MGAM2: variants seen among roughly 807,000 people sequenced by gnomAD.
MGAM2 encodes the protein probable maltase-glucoamylase 2.
Under a neutral mutation model 96.1 loss-of-function variants are expected in MGAM2, and 98 were observed. That is an observed-to-expected ratio of 1.02 (90% CI 0.87 to 1.21). The LOEUF is 1.21. Among genes scored for constraint, MGAM2 ranks in the 50% most tolerant of loss-of-function variants. The pLI is 0.00. For synonymous variants in MGAM2, 749 were observed against 414.8 expected (o/e 1.81, Z -9.79); for missense variants, 2,055 against 1,182.4 (o/e 1.74, Z -10.82).
At chr7:142,157,056 T>G (rs1430165845) in intron 17 of MGAM2, among the ~76,000 whole-genome samples, 2 of 152,138 alleles carry the variant, frequency 1.3e-5, no homozygotes, top group Non-Finnish European at 2.9e-5. Context: ...TCACTAATCT[T>G]TGGGATAGGG....
chr7:142,137,823 A>T (rs1490895946), intron 9 of MGAM2, among the ~76,000 whole-genome samples: 1 of 152,252 alleles, frequency 6.6e-6, no homozygotes, highest in Non-Finnish European at 1.5e-5. Flanking sequence ...CCCACAAATC[A>T]GCAAAGCTTA....
intron 3 of MGAM2, among the ~76,000 whole-genome samples, chr7:142,122,869 C>T (rs556920993): frequency 5.5e-4 from 83 of 152,122 alleles, no homozygotes; most frequent in African/African-American, 1.4e-3. Flanking sequence ...CTCGTTCTGT[C>T]GCCAGACTGG....
chr7:142,205,173 A>G (rs966553918), intron 45 of MGAM2, among the ~76,000 whole-genome samples: 4 of 152,130 alleles, frequency 2.6e-5, no homozygotes, highest in Non-Finnish European at 4.4e-5. Context: ...TTGTCAGATC[A>G]TGACAAGTGC....
At chr7:142,158,936 C>A (rs1336466316) in intron 19 of MGAM2, among the ~76,000 whole-genome samples, 1 of 152,160 alleles carries the variant, frequency 6.6e-6, no homozygotes, top group Non-Finnish European at 1.5e-5. Context: ...GCCACACTAT[C>A]TGATGACAGG....
At chr7:142,163,238 C>T (rs529051469) in intron 23 of MGAM2, among the ~76,000 whole-genome samples, 4 of 152,266 alleles carry the variant, frequency 2.6e-5, no homozygotes, top group African/African-American at 9.6e-5. Context: ...AAAATTGCTA[C>T]TAACACTCAT....
intron 1 of MGAM2, among the ~76,000 whole-genome samples, chr7:142,115,539 T>TA (rs1194703854): frequency 6.6e-6 from 1 of 152,152 alleles, no homozygotes; most frequent in Non-Finnish European, 1.5e-5. Context: ...TGTGATAAGA[T>TA]ACTTTTTTAA....
chr7:142,162,840 A>G (rs1414704271), intron 23 of MGAM2, among the ~76,000 whole-genome samples: 1 of 151,510 alleles, frequency 6.6e-6, no homozygotes, highest in African/African-American at 2.4e-5. Context: ...CTATAGCACA[A>G]TTTCACAAGC....
At position 142,174,715 on chromosome 7, in the gene MGAM2, C is replaced by CTCTTTTTTT. The variant is rs1194981898; in HGVS notation, c.3688-936_3688-935insCTTTTTTTT. Among the ~76,000 whole-genome samples the CTCTTTTTTT allele has an allele frequency of 4.4e-4, 38 of 85,458 alleles. 3 individuals carry two copies. The highest frequency in any genetic ancestry group is 2.0e-3 in the African/African-American group (35 of 17,554). 56.1% of individuals were successfully genotyped at this position (85,458 alleles called of 152,430 possible). A position where few individuals can be genotyped will look rare whatever the true frequency, so the allele number is the denominator to read the frequency against. ...ATGCCCTTTATTTCTCTCTCTCTCT[C>CTCTTTTTTT]TTTTTTTTTTTTTTTTTTGAGTTGG... is the stretch of plus-strand genomic sequence containing the variant. On this transcript the variant is annotated intron_variant, in intron 31 of 47. Coordinates refer to ENST00000477922, the MANE Select transcript of MGAM2 (RefSeq NM_001293626.2).
chr7:142,152,694 A>G (rs1018058179), intron 15 of MGAM2, among the ~76,000 whole-genome samples: 1 of 152,208 alleles, frequency 6.6e-6, no homozygotes, highest in Admixed American at 6.5e-5. Context: ...AGCGGGAAAG[A>G]AGAGCTTGCC....
intron 3 of MGAM2, among the ~76,000 whole-genome samples, chr7:142,121,921 A>G (rs1794585807): frequency 2.0e-5 from 3 of 152,242 alleles, no homozygotes; most frequent in East Asian, 3.9e-4. Context: ...GATGGTTGGC[A>G]ACCCTTATTT....
At position 142,187,810 on chromosome 7, in the gene MGAM2, C is replaced by A. The variant is rs759967036; in HGVS notation, c.4183C>A (p.Leu1395Ile). 24 of 702,540 alleles carry A rather than the reference C, an allele frequency of 3.4e-5. No individual in the cohort carries two copies. The highest frequency in any genetic ancestry group is 6.0e-5 in the Non-Finnish European group (23 of 384,796). 43.5% of individuals were successfully genotyped at this position (702,540 alleles called of 1,614,324 possible). ...TGTCAGGGGCTGCAGCAATGAAATG[C>A]TAAATAACCCACCCTATATGCCATG... ...GSVRGCSNEMLNNPPYMPYLE... is the reference protein window; with the variant it reads ...GSVRGCSNEMINNPPYMPYLE... The change falls in exon 36 of 48, where the codon CTA (leucine) becomes ATA (isoleucine). Residue 1395 changes from leucine to isoleucine, a missense_variant. Physicochemically the swap from Leu to Ile is conservative, Grantham distance 5. Coordinates refer to ENST00000477922, the MANE Select transcript of MGAM2 (RefSeq NM_001293626.2).
At chr7:142,115,027 C>T (rs536914391) in intron 1 of MGAM2, among the ~76,000 whole-genome samples, 21 of 152,066 alleles carry the variant, frequency 1.4e-4, no homozygotes, top group African/African-American at 2.7e-4. Context: ...ACTAGCCTGG[C>T]CAACGTGGTG....
At chr7:142,182,156 C>T (rs899916384) in intron 32 of MGAM2, among the ~76,000 whole-genome samples, 2 of 152,178 alleles carry the variant, frequency 1.3e-5, no homozygotes, top group African/African-American at 4.8e-5. Context: ...GCCTCAGCCG[C>T]AGATCTCAGC....
At position 142,170,090 on chromosome 7, in the gene MGAM2, A is replaced by G. The variant is rs1796144676; in HGVS notation, c.3043A>G (p.Asn1015Asp). The G allele has an allele frequency of 1.4e-6, 1 of 701,888 alleles. No homozygotes were observed. Among genetic ancestry groups the G allele is most frequent in the East Asian group, 2.7e-5 (1 of 37,284 alleles). The allele number at this position is 701,888 out of a possible 1,614,324, so 43.5% of individuals were successfully genotyped here. ...TTCTTGCCAGATCTATGACCCCACT[A>G]ATAAAAGGTATGAGGTTCCAGTACC... ...MLQVKIYDPTNKRYEVPVPLN... is the reference protein window; with the variant it reads ...MLQVKIYDPTDKRYEVPVPLN... The change falls in exon 27 of 48, where the codon AAT (asparagine) becomes GAT (aspartate). Residue 1015 changes from asparagine (N) to aspartate (D), a missense_variant. Physicochemically the swap from Asn to Asp is conservative, Grantham distance 23. Coordinates refer to ENST00000477922, the MANE Select transcript of MGAM2 (RefSeq NM_001293626.2).
rs777073088 is a variant in MGAM2 at position 142,171,426 on chromosome 7, G to C, written c.3337G>C (p.Asp1113His). 1 of 702,882 alleles carries C rather than the reference G, an allele frequency of 1.4e-6. No homozygotes were observed. The highest frequency in any genetic ancestry group is 2.6e-6 in the Non-Finnish European group (1 of 384,886). The allele number at this position is 702,882 out of a possible 1,614,324, so 43.5% of individuals were successfully genotyped here. A position where few individuals can be genotyped will look rare whatever the true frequency, so the allele number is the denominator to read the frequency against. The change falls in exon 28 of 48, where the codon GAT becomes CAT. Residue 1113 changes from aspartate (D) to histidine (H), a missense_variant. Coordinates refer to ENST00000477922, the MANE Select transcript of MGAM2 (RefSeq NM_001293626.2). ...GAACACATGGGGAATGTTTGCTCAT[G>C]ATGAGCCACCTGCGGTAGGGACAAA... is the stretch of plus-strand genomic sequence containing the variant. ...NWNTWGMFAH[D>H]EPPAYKKNSY... is the part of the protein sequence containing the mutation.
intron 15 of MGAM2, 149 bp downstream of exon 15, chr7:142,147,722 G>A (rs1795431066): frequency 7.4e-6 from 4 of 542,764 alleles, no homozygotes; most frequent in South Asian, 2.6e-5. Context: ...GTATTTAAGA[G>A]TTCCTCTCAT....
chr7:142,206,412 C>T lies in MGAM2; in HGVS notation c.5138-2161C>T, dbSNP rs930466590. Among the ~76,000 whole-genome samples the T allele has an allele frequency of 1.6e-4, 24 of 152,096 alleles. 1 individual carries two copies. The highest frequency in any genetic ancestry group is 2.9e-5 in the Non-Finnish European group (2 of 67,988). The stretch of plus-strand genomic sequence containing the variant: ...AAAAGCAAAGTTATCTTCAAGATAA[C>T]TACATGATCTCTAAATATTGTAAAA... On this transcript the variant is annotated intron_variant, in intron 45 of 47. Coordinates refer to ENST00000477922, the MANE Select transcript of MGAM2 (RefSeq NM_001293626.2).
In MGAM2 at chr7:142,114,216, G is replaced by GAAAGAAAGAAAGAGAGAGAGAA. The variant is rs1554499599; in HGVS notation, c.-1+2410_-1+2411insAAGAAAGAAAGAGAGAGAGAAA. 2.3e-3 allele frequency among the ~76,000 whole-genome samples: 155 copies of GAAAGAAAGAAAGAGAGAGAGAA among 67,978 alleles called. 4 individuals are homozygous for GAAAGAAAGAAAGAGAGAGAGAA. Among genetic ancestry groups the GAAAGAAAGAAAGAGAGAGAGAA allele is most frequent in the African/African-American group, 0.011 (142 of 13,252 alleles). 44.6% of individuals were successfully genotyped at this position (67,978 alleles called of 152,430 possible). A position where few individuals can be genotyped will look rare whatever the true frequency, so the allele number is the denominator to read the frequency against. On this transcript the variant is annotated intron_variant, in intron 1 of 47. Transcript: ENST00000477922. ...AAAGAAAGAAAGAAAGAAAGAAAGAGAGAAAGAAAGAAAGAAATAGGAGAC... is the reference window on the plus strand; with the variant it reads ...AAAGAAAGAAAGAAAGAAAGAAAGAGAAAGAAAGAAAGAGAGAGAGAAAGAAAGAAAGAAAGAAATAGGAGAC...
Position 142,160,201 on chromosome 7 carries a change from A to G in MGAM2, c.2288A>G (p.His763Arg), listed in dbSNP as rs948819108. 3 of 702,770 alleles carry G rather than the reference A, an allele frequency of 4.3e-6. No homozygotes were observed. The highest frequency in any genetic ancestry group is 7.8e-6 in the Non-Finnish European group (3 of 384,866). 43.5% of individuals were successfully genotyped at this position (702,770 alleles called of 1,614,324 possible). ...CTCCCAGGTGACAAGATAGGACTTCATCTGCGAGGGGGCTACATATTTCCC... is the reference window on the plus strand; with the variant it reads ...CTCCCAGGTGACAAGATAGGACTTCGTCTGCGAGGGGGCTACATATTTCCC... The part of the protein sequence containing the change: ...MLLPGDKIGL[H>R]LRGGYIFPTQ... Residue 763 changes from histidine (H) to arginine (R), a missense_variant, in exon 21 of 48, where the codon CAT becomes CGT. His to Arg is a conservative substitution (Grantham distance 29). Transcript: ENST00000477922.
Sources: gnomAD v4.1 joint callset for allele counts (sites outside exome capture counted in the v4.1 genomes callset) on GRCh38, gnomAD v4.1.1 for gene constraint, MANE v1.5 for transcripts, NCBI Gene and HGNC (gene_info 2026-07-23, HGNC 2026-07-21) for gene names.